HYCC1: variants seen among roughly 807,000 people sequenced by gnomAD.
The protein encoded by HYCC1 is hyccin.
At chr7:23,009,556 T>G in the HYCC1 span, among the ~76,000 whole-genome samples, 16 of 152,066 alleles carry the variant, frequency 1.1e-4, no homozygotes, top group South Asian at 3.1e-3. Context: ...CAGCCCCCTA[T>G]GAAAGCCAAG....
chr7:22,931,119 A>G, the HYCC1 span, among the ~76,000 whole-genome samples: 2 of 152,116 alleles, frequency 1.3e-5, no homozygotes, highest in South Asian at 4.1e-4. Flanking sequence ...GAAGTCATAT[A>G]GGATTAAGAT....
At chr7:22,930,041 A>T in the HYCC1 span, among the ~76,000 whole-genome samples, 2 of 151,978 alleles carry the variant, frequency 1.3e-5, no homozygotes, top group Non-Finnish European at 2.9e-5. Context: ...TGTCCTTTGT[A>T]GGGACATGGA....
At chr7:23,004,336 C>A in the HYCC1 span, among the ~76,000 whole-genome samples, 1 of 152,238 alleles carries the variant, frequency 6.6e-6, no homozygotes, top group Admixed American at 6.5e-5. Context: ...CTGCTTAGAC[C>A]CTTTCACCAA....
At chr7:22,979,455 G>C in the HYCC1 span, among the ~76,000 whole-genome samples, 3 of 152,124 alleles carry the variant, frequency 2.0e-5, no homozygotes, top group Admixed American at 2.0e-4. Flanking sequence ...AAAAACAGAG[G>C]GGCAGGAGGT....
the HYCC1 span, among the ~76,000 whole-genome samples, chr7:22,925,877 T>C: frequency 6.6e-6 from 1 of 152,062 alleles, no homozygotes; most frequent in South Asian, 2.1e-4. Flanking sequence ...AGACACATAA[T>C]TGTCAGATTC....
At chr7:22,896,285 G>C in the HYCC1 span, among the ~76,000 whole-genome samples, 1 of 152,238 alleles carries the variant, frequency 6.6e-6, no homozygotes, top group Non-Finnish European at 1.5e-5. Flanking sequence ...AATTGAATAT[G>C]ACTCTAAAGC....
chr7:22,941,783 A>G, the HYCC1 span: 1 of 152,184 alleles, frequency 6.6e-6, no homozygotes, highest in Non-Finnish European at 1.5e-5. Flanking sequence ...CAAAGTACTG[A>G]GTATAATTTT....
chr7:22,998,736 G>T, the HYCC1 span, among the ~76,000 whole-genome samples: 1 of 152,074 alleles, frequency 6.6e-6, no homozygotes, highest in Non-Finnish European at 1.5e-5. Flanking sequence ...TCTGGCTCCT[G>T]ATTTCTTCCC....
chr7:22,957,545 G>GA, the HYCC1 span, among the ~76,000 whole-genome samples: 28 of 151,634 alleles, frequency 1.8e-4, no homozygotes, highest in Non-Finnish European at 3.2e-4. Flanking sequence ...GGAGAAAGAG[G>GA]AAAAAAAGAA....
At chr7:23,005,400 C>G in the HYCC1 span, among the ~76,000 whole-genome samples, 2 of 152,112 alleles carry the variant, frequency 1.3e-5, no homozygotes, top group Admixed American at 1.3e-4. Flanking sequence ...AATGATACCT[C>G]TAAGTATCAC....
At chr7:22,938,266 A>C in the HYCC1 span, 1 of 152,324 alleles carries the variant, frequency 6.6e-6, no homozygotes, top group South Asian at 2.1e-4. Context: ...CTTGTTTCTC[A>C]AACAACAGTT....
chr7:22,969,318 T>TTGTG, the HYCC1 span, among the ~76,000 whole-genome samples: 187 of 148,488 alleles, frequency 1.3e-3, no homozygotes, highest in African/African-American at 3.9e-3. Context: ...CCTGTTTATT[T>TTGTG]TGTGTGTGTG....
At chr7:23,014,051 G>T in the HYCC1 span, 2 of 470,852 alleles carry the variant, frequency 4.2e-6, no homozygotes, top group African/African-American at 2.0e-5. Context: ...TAGCAGAACG[G>T]GTCCCGGTGA....
At chr7:22,945,464 C>T in the HYCC1 span, 2 of 741,552 alleles carry the variant, frequency 2.7e-6, no homozygotes, top group Non-Finnish European at 4.8e-6. Flanking sequence ...GTCAGGGGAG[C>T]CTTCAGAATT....
chr7:22,982,460 C>G, the HYCC1 span, among the ~76,000 whole-genome samples: 2 of 152,076 alleles, frequency 1.3e-5, no homozygotes, highest in Non-Finnish European at 2.9e-5. Context: ...AAAAGAAGAG[C>G]CTCCCTCAAT....
the HYCC1 span, among the ~76,000 whole-genome samples, chr7:22,901,892 A>G: frequency 6.6e-6 from 1 of 152,182 alleles, no homozygotes; most frequent in African/African-American, 2.4e-5. Context: ...AATTCAGGAC[A>G]TAGTAGATTT....
At chr7:22,996,190 G>T in the HYCC1 span, among the ~76,000 whole-genome samples, 2 of 151,816 alleles carry the variant, frequency 1.3e-5, no homozygotes, top group Non-Finnish European at 2.9e-5. Flanking sequence ...GTACTTGGGA[G>T]GCTGAGATAG....
chr7:22,935,621 G>T, the HYCC1 span: 1 of 152,118 alleles, frequency 6.6e-6, no homozygotes, highest in African/African-American at 2.4e-5. Context: ...GAAAGAAGTT[G>T]TGCCAATGCT....
At chr7:22,946,450 T>A in the HYCC1 span, among the ~76,000 whole-genome samples, 55 of 152,030 alleles carry the variant, frequency 3.6e-4, no homozygotes, top group African/African-American at 1.2e-3. Context: ...ATGCAAAAGA[T>A]AAGAAACAAT....
Sources: gnomAD v4.1 joint callset for allele counts (sites outside exome capture counted in the v4.1 genomes callset) on GRCh38, gnomAD v4.1.1 for gene constraint, MANE v1.5 for transcripts, NCBI Gene and HGNC (gene_info 2026-07-23, HGNC 2026-07-21) for gene names.